The following STXBP5L variants were observed in gnomAD, a reference collection of about 807,000 sequenced individuals.
STXBP5L encodes syntaxin binding protein 5L, also known as syntaxin-binding protein 5-like.
In STXBP5L, 65 loss-of-function variants were observed where a neutral mutation model predicts 144.5. That is an observed-to-expected ratio of 0.45 (90% CI 0.37 to 0.55). The LOEUF is 0.55. Ranked by LOEUF, STXBP5L falls within the 20% of genes least tolerant of loss-of-function variation. The pLI, the probability that STXBP5L is intolerant of heterozygous loss-of-function variation, is 0.00. For synonymous variants in STXBP5L, 505 were observed against 469.6 expected, an observed-to-expected ratio of 1.08 and a Z score of -0.97; for missense variants, 1,298 against 1,405.5, an observed-to-expected ratio of 0.92 and a Z score of 1.22.
chr3:121,085,117 A>G (rs2042427351), intron 5 of STXBP5L, among the ~76,000 whole-genome samples: 1 of 151,820 alleles, frequency 6.6e-6, no homozygotes, highest in Admixed American at 6.6e-5. Flanking sequence ...TGGATATTAG[A>G]CCTTTGTCAG....
chr3:121,237,649 C>A (rs1161872584), intron 12 of STXBP5L, among the ~76,000 whole-genome samples: 1 of 152,174 alleles, frequency 6.6e-6, no homozygotes, highest in Non-Finnish European at 1.5e-5. Context: ...ATGCTCGTGT[C>A]CCTTTTAATT....
intron 9 of STXBP5L, among the ~76,000 whole-genome samples, chr3:121,193,467 A>G (rs958691159): frequency 2.0e-5 from 3 of 151,670 alleles, no homozygotes; most frequent in African/African-American, 7.3e-5. Context: ...CCATCCCATT[A>G]CTGGGTATGT....
At chr3:121,074,389 A>T (rs963984385) in intron 5 of STXBP5L, among the ~76,000 whole-genome samples, 1 of 152,138 alleles carries the variant, frequency 6.6e-6, no homozygotes, top group Non-Finnish European at 1.5e-5. Context: ...GAGGGCTTTA[A>T]CACCGGTACC....
Position 121,282,085 on chromosome 3 carries a change from C to G in STXBP5L, c.2110+2129C>G, listed in dbSNP as rs535702745. ...CATTCTCATCATTCATCTATCGCCT[C>G]TTACTTTATAATTGATTTATTTTAT... On this transcript the variant is annotated intron_variant, in intron 19 of 26. Coordinates refer to ENST00000471454, the MANE Select transcript of STXBP5L (RefSeq NM_001308330.2). Among the ~76,000 whole-genome samples, 5 of 151,794 alleles carry G rather than the reference C, an allele frequency of 3.3e-5. No homozygotes were observed. The East Asian group carries it at 7.7e-4, about 23-fold the overall frequency.
intron 3 of STXBP5L, among the ~76,000 whole-genome samples, chr3:121,029,159 C>A (rs1946179753): frequency 6.6e-6 from 1 of 152,144 alleles, no homozygotes; most frequent in Non-Finnish European, 1.5e-5. Context: ...TGACTTTCTT[C>A]ACAGAATTAG....
At chr3:121,342,632 T>C (rs1388994267) in intron 20 of STXBP5L, among the ~76,000 whole-genome samples, 1 of 151,936 alleles carries the variant, frequency 6.6e-6, no homozygotes, top group Admixed American at 6.6e-5. Flanking sequence ...TTACTGAGAA[T>C]GATGCTTTCC....
At chr3:121,278,950 A>G (rs1308320204) in intron 18 of STXBP5L, among the ~76,000 whole-genome samples, 1 of 151,652 alleles carries the variant, frequency 6.6e-6, no homozygotes, top group African/African-American at 2.4e-5. Context: ...TGAAGTGGAA[A>G]GAACCATTTT....
intron 20 of STXBP5L, among the ~76,000 whole-genome samples, chr3:121,319,686 C>A (rs1018570578): frequency 6.6e-6 from 1 of 152,170 alleles, no homozygotes; most frequent in African/African-American, 2.4e-5. Flanking sequence ...TCACCTTTTA[C>A]AATTAATGTT....
At chr3:121,252,936 G>A (rs1205177070) in intron 15 of STXBP5L, among the ~76,000 whole-genome samples, 1 of 152,126 alleles carries the variant, frequency 6.6e-6, no homozygotes, top group East Asian at 1.9e-4. Context: ...CAGAGCTCAT[G>A]GTAGCTTGCT....
At chr3:121,310,642 C>A (rs1373149651) in intron 19 of STXBP5L, among the ~76,000 whole-genome samples, 2 of 151,800 alleles carry the variant, frequency 1.3e-5, no homozygotes, top group African/African-American at 4.8e-5. Context: ...GGCATGGTGG[C>A]TTATGCCTGT....
rs2044160476 is a variant in STXBP5L, at chr3:121,114,824, T to C, written c.471-101T>C. On this transcript the variant is annotated intron_variant, in intron 5 of 26. Transcript: ENST00000471454. ...CTATACTTGAGTATATAGTACATTT[T>C]ATTATTTATATAGCTATCACTACAT... is the stretch of plus-strand genomic sequence containing the variant. The C allele has an allele frequency of 4.3e-6, 3 of 700,352 alleles. No homozygotes were observed. In the South Asian group the frequency reaches 8.7e-5, roughly 20 times the overall value. 43.4% of individuals were successfully genotyped at this position (700,352 alleles called of 1,614,324 possible). A position where few individuals can be genotyped will look rare whatever the true frequency, so the allele number is the denominator to read the frequency against.
Position 121,418,443 on chromosome 3 carries a change from GCT to G in STXBP5L, c.3334_3335del (p.Leu1112AspfsTer8). The G allele has an allele frequency of 6.2e-7, 1 of 1,614,120 alleles. No individual in the cohort carries two copies. Among genetic ancestry groups the G allele is most frequent in the Non-Finnish European group, 8.5e-7 (1 of 1,179,988 alleles). On this transcript the variant is annotated frameshift_variant, in exon 26 of 27. Transcript: ENST00000471454. LOFTEE classifies it high-confidence loss of function. Reference protein sequence around the residue: ...KGAAGGVMGELTRARIALDER... With the variant: ...KGAAGGVMGEXTRARIALDER... ...GCGCTGCTGGAGGGGTGATGGGAGA[GCT>G]GACCCGTGCACGGATTGCACTTGAT... is the stretch of plus-strand genomic sequence containing the variant.
At chr3:120,979,295 C>A (rs935434911) in intron 3 of STXBP5L, among the ~76,000 whole-genome samples, 37 of 152,230 alleles carry the variant, frequency 2.4e-4, no homozygotes, top group African/African-American at 8.9e-4. Flanking sequence ...GCAGTTTGAT[C>A]TCAGACTGCT....
At chr3:121,218,135 TATA>T (rs1292905550) in intron 10 of STXBP5L, among the ~76,000 whole-genome samples, 7 of 141,062 alleles carry the variant, frequency 5.0e-5, no homozygotes, top group Admixed American at 2.2e-4. Context: ...TAATATGTAG[TATA>T]ATGTAATGTA....
intron 20 of STXBP5L, among the ~76,000 whole-genome samples, chr3:121,378,167 CG>C (rs1176762529): frequency 7.7e-6 from 1 of 130,410 alleles, no homozygotes; most frequent in African/African-American, 2.9e-5. Flanking sequence ...CGAGGCCTGT[CG>C]GGGGGTGGGG....
chr3:121,213,247 G>A (rs1275605459), intron 10 of STXBP5L, among the ~76,000 whole-genome samples: 1 of 152,134 alleles, frequency 6.6e-6, no homozygotes, highest in Non-Finnish European at 1.5e-5. Context: ...CCAATACTAT[G>A]TTGAATAGGA....
chr3:120,991,138 C>T (rs1216905461), intron 3 of STXBP5L, among the ~76,000 whole-genome samples: 2 of 146,496 alleles, frequency 1.4e-5, no homozygotes, highest in African/African-American at 5.0e-5. Flanking sequence ...TTACAAGAAA[C>T]AAACAAACAA....
intron 9 of STXBP5L, among the ~76,000 whole-genome samples, chr3:121,179,896 G>T (rs1331868251): frequency 6.6e-6 from 1 of 151,974 alleles, no homozygotes; most frequent in African/African-American, 2.4e-5. Flanking sequence ...AAAGAAAAAA[G>T]AATTTTAAAA....
chr3:121,324,601 T>C (rs1345967540), intron 20 of STXBP5L: 9 of 673,900 alleles, frequency 1.3e-5, no homozygotes, highest in Non-Finnish European at 2.4e-5. Flanking sequence ...GATGAAAATC[T>C]CTTTATGAAC....
Sources: allele counts gnomAD v4.1 joint callset (sites outside exome capture counted in the v4.1 genomes callset), GRCh38; gene constraint gnomAD v4.1.1; transcripts MANE v1.5; gene names NCBI Gene and HGNC (gene_info 2026-07-23, HGNC 2026-07-21).